NUBPL: variants seen among roughly 807,000 people sequenced by gnomAD.
The protein encoded by NUBPL is NUBP iron-sulfur cluster assembly factor, mitochondrial.
NUBPL carries 31 observed loss-of-function variants against 45.7 expected under a neutral mutation model. That is an observed-to-expected ratio of 0.68 (90% CI 0.51 to 0.92). The LOEUF is 0.92. NUBPL is among the 40% of genes least tolerant of loss of function. The pLI is 0.00. For synonymous variants in NUBPL, 144 were observed against 140.9 expected, an observed-to-expected ratio of 1.02 and a Z score of -0.15; for missense variants, 401 against 398.7, an observed-to-expected ratio of 1.01 and a Z score of -0.05.
intron 7 of NUBPL, among the ~76,000 whole-genome samples, chr14:31,811,549 C>T (rs1035103338): frequency 1.3e-4 from 20 of 152,146 alleles, no homozygotes; most frequent in Admixed American, 1.1e-3. Flanking sequence ...AGCTTCCTTA[C>T]GATGGGTTCA....
chr14:31,752,190 C>A (rs2038546957), intron 6 of NUBPL, among the ~76,000 whole-genome samples: 1 of 152,198 alleles, frequency 6.6e-6, no homozygotes, highest in Non-Finnish European at 1.5e-5. Context: ...ATTTCTGCAG[C>A]CTGCTTGAAT....
chr14:31,792,254 G>A (rs1479981229), intron 7 of NUBPL, among the ~76,000 whole-genome samples: 3 of 152,098 alleles, frequency 2.0e-5, no homozygotes. Flanking sequence ...AAATTTATCT[G>A]TGAATATGCC....
rs1280880295 is a variant in NUBPL at position 31,859,335 on chromosome 14, T to C, written c.*155T>C. ...TCATATTTGACTTGCTAAGCTAAGG[T>C]TCACAAAACTTTGATGTATCAATGT... On this transcript the variant is annotated 3_prime_UTR_variant, in exon 11 of 11. Transcript: ENST00000281081. 4.2e-6 allele frequency: 3 copies of C among 721,220 alleles called. No homozygotes were observed. Among genetic ancestry groups the C allele is most frequent in the Admixed American group, 2.3e-5 (1 of 44,416 alleles). The allele number at this position is 721,220 out of a possible 1,614,324, so 44.7% of individuals were successfully genotyped here.
At chr14:31,699,819 T>C (rs2037292860) in intron 6 of NUBPL, among the ~76,000 whole-genome samples, 1 of 152,214 alleles carries the variant, frequency 6.6e-6, no homozygotes. Flanking sequence ...GTCTTTTTAG[T>C]AGTGTTTGGC....
chr14:31,748,651 T>C (rs1203368557), intron 6 of NUBPL, among the ~76,000 whole-genome samples: 2 of 152,122 alleles, frequency 1.3e-5, no homozygotes, highest in East Asian at 1.9e-4. Flanking sequence ...CTTTCTTTGT[T>C]GCCCAGGTTG....
chr14:31,729,670 C>T (rs1309873864), intron 6 of NUBPL, among the ~76,000 whole-genome samples: 4 of 151,832 alleles, frequency 2.6e-5, no homozygotes, highest in Admixed American at 2.6e-4. Flanking sequence ...TGTATTCAGC[C>T]ATCTTAACAC....
intron 6 of NUBPL, among the ~76,000 whole-genome samples, chr14:31,780,628 TACTTA>T (rs1160455149): frequency 3.9e-5 from 6 of 152,312 alleles, no homozygotes; most frequent in South Asian, 2.1e-4. Flanking sequence ...TCTTAACAAT[TACTTA>T]ACTTCAAGTA....
At chr14:31,647,584 T>A (rs1188282984) in intron 4 of NUBPL, among the ~76,000 whole-genome samples, 1 of 152,226 alleles carries the variant, frequency 6.6e-6, no homozygotes, top group African/African-American at 2.4e-5. Context: ...TCCTACAATG[T>A]GGTGCTGCTG....
At chr14:31,655,202 A>G (rs8010697) in intron 4 of NUBPL, among the ~76,000 whole-genome samples, 24,309 of 152,226 alleles carry the variant, frequency 0.16, 5,528 homozygotes, top group African/African-American at 0.51. Flanking sequence ...GAGATTTTCA[A>G]TTGATAGATC....
chr14:31,739,058 G>T (rs2038220589), intron 6 of NUBPL, among the ~76,000 whole-genome samples: 1 of 151,032 alleles, frequency 6.6e-6, no homozygotes, highest in Non-Finnish European at 1.5e-5. Flanking sequence ...TTGTCACCCA[G>T]GCTGGAGTGC....
chr14:31,672,495 G>T (rs1279534056), intron 4 of NUBPL, among the ~76,000 whole-genome samples: 1 of 152,042 alleles, frequency 6.6e-6, no homozygotes, highest in Non-Finnish European at 1.5e-5. Context: ...ACAGAGTCTT[G>T]TTCTGTCACC....
At chr14:31,838,279 C>CAAAAAAAAAAAAA (rs748313330) in intron 8 of NUBPL, among the ~76,000 whole-genome samples, 126 of 60,144 alleles carry the variant, frequency 2.1e-3, no homozygotes, top group South Asian at 0.012. Flanking sequence ...TAATATCCAG[C>CAAAAAAAAAAAAA]AAAAAAAAAA....
At chr14:31,631,304 A>G (rs868016659) in intron 4 of NUBPL, among the ~76,000 whole-genome samples, 4 of 152,262 alleles carry the variant, frequency 2.6e-5, no homozygotes, top group South Asian at 4.1e-4. Context: ...GGCCAGGAGC[A>G]AAGCTCCATT....
At chr14:31,771,933 C>G in intron 6 of NUBPL, 2 of 955,068 alleles carry the variant, frequency 2.1e-6, no homozygotes, top group Non-Finnish European at 1.2e-6. Context: ...CCCTAGCATG[C>G]AGTATGCTAG....
At chr14:31,827,511 T>G (rs2040124911) in intron 8 of NUBPL, among the ~76,000 whole-genome samples, 1 of 152,140 alleles carries the variant, frequency 6.6e-6, no homozygotes, top group Non-Finnish European at 1.5e-5. Context: ...TGTGCCTCAA[T>G]GAAAGCAGGT....
At chr14:31,630,330 G>T (rs1464736737) in intron 4 of NUBPL, among the ~76,000 whole-genome samples, 1 of 152,118 alleles carries the variant, frequency 6.6e-6, no homozygotes, top group Non-Finnish European at 1.5e-5. Context: ...AATGGGAATG[G>T]TTTTGGGAAG....
intron 8 of NUBPL, among the ~76,000 whole-genome samples, chr14:31,827,337 A>G (rs2040121653): frequency 7.0e-6 from 1 of 143,684 alleles, no homozygotes; most frequent in Non-Finnish European, 1.5e-5. Flanking sequence ...AAAACTGTGC[A>G]TTTCTACAAA....
intron 10 of NUBPL, among the ~76,000 whole-genome samples, chr14:31,858,721 C>T (rs924719081): frequency 1.3e-5 from 2 of 152,042 alleles, no homozygotes; most frequent in African/African-American, 4.8e-5. Flanking sequence ...AATAAATAGT[C>T]CTCCTTAAAA....
chr14:31,716,375 T>C (rs1306677098), intron 6 of NUBPL, among the ~76,000 whole-genome samples: 2 of 152,218 alleles, frequency 1.3e-5, no homozygotes, highest in Non-Finnish European at 2.9e-5. Flanking sequence ...TTGTATATGT[T>C]ACACTTTTAT....
Sources: gnomAD v4.1 joint callset for allele counts (sites outside exome capture counted in the v4.1 genomes callset) on GRCh38, gnomAD v4.1.1 for gene constraint, MANE v1.5 for transcripts, NCBI Gene and HGNC (gene_info 2026-07-23, HGNC 2026-07-21) for gene names.